Variants in REDIC1 observed in about 807,000 individuals in gnomAD.
REDIC1 encodes regulator of DNA class I crossover intermediates 1.
the REDIC1 span, among the ~76,000 whole-genome samples, chr12:39,675,170 A>G: frequency 6.6e-6 from 1 of 152,078 alleles, no homozygotes; most frequent in Admixed American, 6.5e-5. Context: ...CTCAGTGATG[A>G]ACTGTATGAT....
At chr12:39,652,592 T>G in the REDIC1 span, among the ~76,000 whole-genome samples, 1 of 152,162 alleles carries the variant, frequency 6.6e-6, no homozygotes, top group Non-Finnish European at 1.5e-5. Context: ...AGGTTTAATT[T>G]GATGAAGTCC....
chr12:39,757,137 T>C, the REDIC1 span: 1 of 151,834 alleles, frequency 6.6e-6, no homozygotes, highest in African/African-American at 2.4e-5. Context: ...GATGAAATGA[T>C]ATATCCTCTT....
chr12:39,662,579 G>A, the REDIC1 span, among the ~76,000 whole-genome samples: 1 of 151,976 alleles, frequency 6.6e-6, no homozygotes, highest in East Asian at 1.9e-4. Context: ...TCTGCAAAGA[G>A]GGACAATTTG....
the REDIC1 span, among the ~76,000 whole-genome samples, chr12:39,660,131 G>A: frequency 6.6e-6 from 1 of 152,110 alleles, no homozygotes; most frequent in Non-Finnish European, 1.5e-5. Context: ...TCTTACCTTG[G>A]GTGGTTCTTT....
the REDIC1 span, among the ~76,000 whole-genome samples, chr12:39,896,777 G>T: frequency 1.3e-5 from 2 of 151,854 alleles, no homozygotes; most frequent in Admixed American, 6.6e-5. Context: ...TAATCAAAAG[G>T]TTATAAAAGT....
chr12:39,701,973 C>T, the REDIC1 span, among the ~76,000 whole-genome samples: 1 of 151,810 alleles, frequency 6.6e-6, no homozygotes. Flanking sequence ...ACTAAATGCC[C>T]ACAAGAGAAA....
At chr12:39,689,268 G>C in the REDIC1 span, among the ~76,000 whole-genome samples, 1 of 152,174 alleles carries the variant, frequency 6.6e-6, no homozygotes, top group Non-Finnish European at 1.5e-5. Context: ...GAGGAAAATT[G>C]CCTGCTTACC....
the REDIC1 span, among the ~76,000 whole-genome samples, chr12:39,786,502 G>A: frequency 1.3e-5 from 2 of 151,880 alleles, no homozygotes; most frequent in East Asian, 3.8e-4. Flanking sequence ...GCTCTCTGGG[G>A]CTGGTCATGT....
At chr12:39,713,794 T>A in the REDIC1 span, among the ~76,000 whole-genome samples, 119 of 148,518 alleles carry the variant, frequency 8.0e-4, no homozygotes, top group Middle Eastern at 3.6e-3. Flanking sequence ...TATACATAGA[T>A]GTATATATGC....
chr12:39,712,967 GTA>G, the REDIC1 span, among the ~76,000 whole-genome samples: 1 of 17,306 alleles, frequency 5.8e-5, no homozygotes, highest in African/African-American at 2.2e-4. Context: ...GCATATACGT[GTA>G]TATGTATATA....
chr12:39,880,999 A>G, the REDIC1 span, among the ~76,000 whole-genome samples: 1 of 152,252 alleles, frequency 6.6e-6, no homozygotes, highest in Non-Finnish European at 1.5e-5. Flanking sequence ...AATTGTATGT[A>G]TAACAGGTTA....
the REDIC1 span, among the ~76,000 whole-genome samples, chr12:39,689,880 A>G: frequency 6.6e-6 from 1 of 152,226 alleles, no homozygotes; most frequent in Non-Finnish European, 1.5e-5. Flanking sequence ...GTTTGACCAC[A>G]CCTATGTCTA....
the REDIC1 span, among the ~76,000 whole-genome samples, chr12:39,693,834 A>G: frequency 5.9e-5 from 9 of 152,136 alleles, no homozygotes; most frequent in East Asian, 1.7e-3. Flanking sequence ...GTTAAAGGAG[A>G]AATATGCTGG....
chr12:39,712,153 C>CATGTATATGTACATGTATTTATACCTGT, the REDIC1 span, among the ~76,000 whole-genome samples: 1 of 95,072 alleles, frequency 1.1e-5, no homozygotes, highest in African/African-American at 3.4e-5. Flanking sequence ...TACATCTATA[C>CATGTATATGTACATGTATTTATACCTGT]ATGTATATGT....
chr12:39,634,886 G>A, the REDIC1 span, among the ~76,000 whole-genome samples: 6 of 151,996 alleles, frequency 3.9e-5, no homozygotes, highest in African/African-American at 1.2e-4. Context: ...CTATCTACCC[G>A]TCAGACAAAG....
chr12:39,840,826 T>C, the REDIC1 span, among the ~76,000 whole-genome samples: 2 of 152,214 alleles, frequency 1.3e-5, no homozygotes, highest in Middle Eastern at 3.4e-3. Flanking sequence ...TTCCTAGAGA[T>C]TTCCATGTTG....
chr12:39,735,144 A>G, the REDIC1 span, among the ~76,000 whole-genome samples: 1 of 152,210 alleles, frequency 6.6e-6, no homozygotes, highest in Non-Finnish European at 1.5e-5. Flanking sequence ...ATGTGCTACC[A>G]TATCAAAACC....
chr12:39,665,001 A>G, the REDIC1 span, among the ~76,000 whole-genome samples: 1 of 151,988 alleles, frequency 6.6e-6, no homozygotes, highest in South Asian at 2.1e-4. Flanking sequence ...GATTGCAAAA[A>G]TTTTCTCCCA....
the REDIC1 span, chr12:39,684,354 A>C: frequency 1.4e-6 from 1 of 730,798 alleles, no homozygotes; most frequent in Non-Finnish European, 1.7e-6. Flanking sequence ...CAATTTAGCC[A>C]AATCTTTCTG....
Sources: allele counts gnomAD v4.1 joint callset (sites outside exome capture counted in the v4.1 genomes callset), GRCh38; gene constraint gnomAD v4.1.1; transcripts MANE v1.5; gene names NCBI Gene and HGNC (gene_info 2026-07-23, HGNC 2026-07-21).